The following MGLL variants were observed in gnomAD, a reference collection of about 807,000 sequenced individuals.
MGLL encodes the protein lysophospholipase homolog.
Under a neutral mutation model 29.1 loss-of-function variants are expected in MGLL, and 7 were observed. That is an observed-to-expected ratio of 0.24 (90% CI 0.14 to 0.45). The LOEUF is 0.45. MGLL is among the 20% of genes least tolerant of loss of function. The pLI, the probability that MGLL is intolerant of heterozygous loss-of-function variation, is 0.99. For missense variants in MGLL, 356 were observed against 413.6 expected, an observed-to-expected ratio of 0.86 and a Z score of 1.21; for synonymous variants, 148 against 168.3, an observed-to-expected ratio of 0.88 and a Z score of 0.93.
At chr3:127,740,678 AAGTGG>A (rs201956277) in intron 3 of MGLL, among the ~76,000 whole-genome samples, 2,423 of 152,196 alleles carry the variant, frequency 0.016, 71 homozygotes, top group African/African-American at 0.052. Context: ...AATATATTCC[AAGTGG>A]AGGATGAAGT....
At chr3:127,817,882 C>T (rs1035864876) in intron 2 of MGLL, among the ~76,000 whole-genome samples, 1 of 152,262 alleles carries the variant, frequency 6.6e-6, no homozygotes, top group African/African-American at 2.4e-5. Flanking sequence ...GCCCACAAAG[C>T]GGCTTGCCCC....
chr3:127,769,252 G>A (rs1249596803), intron 3 of MGLL, among the ~76,000 whole-genome samples: 1 of 152,076 alleles, frequency 6.6e-6, no homozygotes, highest in Non-Finnish European at 1.5e-5. Context: ...TCAGGAGGCT[G>A]AGGCAGGAGA....
In MGLL at chr3:127,690,510, C is replaced by T. The variant is rs1416499625; in HGVS notation, c.*1688G>A. 1 of 152,622 alleles carries T rather than the reference C, an allele frequency of 6.6e-6. No individual in the cohort carries two copies. The highest frequency in any genetic ancestry group is 6.5e-5 in the Admixed American group (1 of 15,288). The allele number at this position is 152,622 out of a possible 1,614,324, so 9.5% of individuals were successfully genotyped here. A position where few individuals can be genotyped will look rare whatever the true frequency, so the allele number is the denominator to read the frequency against. The stretch of plus-strand genomic sequence containing the variant: ...ACACTCTCCAGGAACCAAGGTTAGC[C>T]TCCAGAACAGGGCCTGGGAGAGCAG... On this transcript the variant is annotated 3_prime_UTR_variant, in exon 8 of 8. Transcript: ENST00000265052.
At chr3:127,693,406 T>A (rs1232104407) in intron 7 of MGLL, among the ~76,000 whole-genome samples, 1 of 152,214 alleles carries the variant, frequency 6.6e-6, no homozygotes, top group African/African-American at 2.4e-5. Context: ...TGGCTTCTCA[T>A]CTAACCAAGA....
intron 2 of MGLL, among the ~76,000 whole-genome samples, chr3:127,804,845 G>A (rs1430957415): frequency 3.3e-5 from 5 of 152,128 alleles, no homozygotes; most frequent in Non-Finnish European, 5.9e-5. Flanking sequence ...CTCGACCCCT[G>A]GAGAGGTCTC....
intron 2 of MGLL, among the ~76,000 whole-genome samples, chr3:127,782,484 C>T (rs1228853215): frequency 1.3e-5 from 2 of 152,178 alleles, no homozygotes; most frequent in Admixed American, 6.5e-5. Context: ...AGAAGAGCAT[C>T]GCCCTGTGGG....
At chr3:127,776,621 C>T (rs371064691) in intron 3 of MGLL, among the ~76,000 whole-genome samples, 14 of 152,212 alleles carry the variant, frequency 9.2e-5, no homozygotes, top group South Asian at 4.1e-4. Context: ...GTCCCAGCAG[C>T]GCATCCATGG....
chr3:127,811,639 A>C (rs931739534), intron 2 of MGLL, among the ~76,000 whole-genome samples: 11 of 152,258 alleles, frequency 7.2e-5, no homozygotes, highest in African/African-American at 2.7e-4. Flanking sequence ...GGACATTCAC[A>C]AACATGATAC....
chr3:127,796,532 T>C (rs2077386059), intron 2 of MGLL, among the ~76,000 whole-genome samples: 1 of 152,212 alleles, frequency 6.6e-6, no homozygotes, highest in Non-Finnish European at 1.5e-5. Flanking sequence ...ATCCAGTAGA[T>C]GAGAAACCTC....
Position 127,787,502 on chromosome 3 carries a change from T to C in MGLL, c.156-5607A>G, listed in dbSNP as rs116073712. ...AGGCTCCCTTAAAGGAAGAACGGAA[T>C]GCCCAGCTGAAGGAACGTTCCGTTC... On this transcript the variant is annotated intron_variant, in intron 2 of 7. Transcript: ENST00000265052. Among the ~76,000 whole-genome samples, 1,195 of 152,378 alleles carry C rather than the reference T, an allele frequency of 7.8e-3. 17 individuals carry two copies. Among genetic ancestry groups the C allele is most frequent in the African/African-American group, 0.027 (1,107 of 41,588 alleles).
chr3:127,731,005 G>T (rs1236649679), intron 3 of MGLL, among the ~76,000 whole-genome samples: 1 of 152,216 alleles, frequency 6.6e-6, no homozygotes, highest in Admixed American at 6.5e-5. Flanking sequence ...TTTGATCAAT[G>T]TCTGTTGAAA....
In MGLL at chr3:127,742,831, G is replaced by A. The variant is rs1012645966; in HGVS notation, c.263-20265C>T. On this transcript the variant is annotated intron_variant, in intron 3 of 7. Coordinates refer to ENST00000265052, the MANE Select transcript of MGLL (RefSeq NM_007283.7). ...GATTGCAGGAAGAGACCATGTGGCC[G>A]CTTGAGCCATTTCTTGCTATGTCAC... is the stretch of plus-strand genomic sequence containing the variant. Among the ~76,000 whole-genome samples, 13 of 152,264 alleles carry A rather than the reference G, an allele frequency of 8.5e-5. No homozygotes were observed. In the East Asian group the frequency reaches 1.9e-3, roughly 23 times the overall value.
intron 7 of MGLL, 133 bp downstream of exon 7, chr3:127,694,842 G>T: frequency 1.3e-6 from 1 of 775,646 alleles, no homozygotes; most frequent in Non-Finnish European, 2.2e-6. Context: ...TTATTTCTCG[G>T]TCAAGCAGGC....
Position 127,735,923 on chromosome 3 carries a change from C to T in MGLL, c.263-13357G>A, listed in dbSNP as rs894374678. 22 of 1,511,044 alleles carry T rather than the reference C, an allele frequency of 1.5e-5. No individual in the cohort carries two copies. In the African/African-American group the frequency reaches 2.8e-4, roughly 19 times the overall value. 93.6% of individuals were successfully genotyped at this position (1,511,044 alleles called of 1,614,324 possible). A position where few individuals can be genotyped will look rare whatever the true frequency, so the allele number is the denominator to read the frequency against. ...AAAGAGATGGGGCAGCTGGTCTGCA[C>T]CTTCAGTTAGAATCCTGGCTCTCTT... On this transcript the variant is annotated intron_variant, in intron 3 of 7. Transcript: ENST00000265052.
chr3:127,735,957 A>G, intron 3 of MGLL: 2 of 1,464,636 alleles, frequency 1.4e-6, no homozygotes, highest in South Asian at 1.4e-5. Flanking sequence ...TTAGAGTGCA[A>G]GCGTTAAACC....
intron 2 of MGLL, among the ~76,000 whole-genome samples, chr3:127,794,819 C>G (rs2077358726): frequency 6.6e-6 from 1 of 152,230 alleles, no homozygotes; most frequent in Admixed American, 6.5e-5. Flanking sequence ...TGTAGGCCTC[C>G]TCCTCAGGAT....
intron 5 of MGLL, among the ~76,000 whole-genome samples, chr3:127,714,472 C>T (rs1442883781): frequency 6.6e-6 from 1 of 152,236 alleles, no homozygotes; most frequent in Non-Finnish European, 1.5e-5. Context: ...AGAGGACAAG[C>T]TTGTAACAGT....
At chr3:127,722,345 G>T in intron 4 of MGLL, 85 bp downstream of exon 4, 1 of 1,563,488 alleles carries the variant, frequency 6.4e-7, no homozygotes, top group African/African-American at 1.4e-5. Context: ...GAGCAGTGGG[G>T]GGCAGGAAGT....
chr3:127,818,923 C>T (rs1455369429), intron 2 of MGLL, among the ~76,000 whole-genome samples: 1 of 152,146 alleles, frequency 6.6e-6, no homozygotes, highest in Non-Finnish European at 1.5e-5. Context: ...TTGTGCCATG[C>T]CTTAAGTATA....
Sources: allele counts gnomAD v4.1 joint callset (sites outside exome capture counted in the v4.1 genomes callset), GRCh38; gene constraint gnomAD v4.1.1; transcripts MANE v1.5; gene names NCBI Gene and HGNC (gene_info 2026-07-23, HGNC 2026-07-21).